The following NTM variants were observed in gnomAD, a reference collection of about 807,000 sequenced individuals.
NTM encodes the protein IgLON family member 2.
Under a neutral mutation model 42.1 loss-of-function variants are expected in NTM, and 13 were observed. The ratio of observed to expected loss-of-function variants is 0.31; its 90% CI spans 0.20 to 0.49. NTM has a LOEUF of 0.49. NTM is among the 20% of genes least tolerant of loss of function. NTM has a pLI of 0.99. For synonymous variants in NTM, 187 were observed against 179.2 expected (o/e 1.04, Z -0.35); for missense variants, 373 against 452.8 (o/e 0.82, Z 1.60).
chr11:131,605,385 A>G (rs1426203302), intron 1 of NTM, among the ~76,000 whole-genome samples: 4 of 152,072 alleles, frequency 2.6e-5, no homozygotes, highest in African/African-American at 7.2e-5. Context: ...AGTGTGATTT[A>G]TTTTTGTATA....
intron 2 of NTM, among the ~76,000 whole-genome samples, chr11:132,123,582 C>T (rs2065185554): frequency 6.6e-6 from 1 of 152,186 alleles, no homozygotes; most frequent in Non-Finnish European, 1.5e-5. Flanking sequence ...TCGGCGAGAG[C>T]TAGGGAAATC....
At chr11:131,833,798 G>T (rs2043130140) in intron 1 of NTM, among the ~76,000 whole-genome samples, 1 of 152,128 alleles carries the variant, frequency 6.6e-6, no homozygotes, top group East Asian at 1.9e-4. Context: ...ATATTCAAGG[G>T]CATAAATTCT....
At chr11:131,683,126 G>A (rs1258040264) in intron 1 of NTM, among the ~76,000 whole-genome samples, 1 of 152,108 alleles carries the variant, frequency 6.6e-6, no homozygotes, top group Non-Finnish European at 1.5e-5. Context: ...CTCTAAAACC[G>A]AAGCTTCCCT....
chr11:132,282,285 A>G (rs1329932025), intron 4 of NTM, among the ~76,000 whole-genome samples: 1 of 152,222 alleles, frequency 6.6e-6, no homozygotes, highest in Non-Finnish European at 1.5e-5. Context: ...AAAAATCTTC[A>G]TGAAATATTC....
chr11:131,831,740 T>TA (rs1034484023), intron 1 of NTM, among the ~76,000 whole-genome samples: 1 of 152,048 alleles, frequency 6.6e-6, no homozygotes, highest in Admixed American at 6.6e-5. Flanking sequence ...GACTTTTCTG[T>TA]AAAAATCAGG....
At chr11:131,709,330 G>A (rs576760139) in intron 1 of NTM, among the ~76,000 whole-genome samples, 3 of 152,172 alleles carry the variant, frequency 2.0e-5, no homozygotes, top group Non-Finnish European at 4.4e-5. Flanking sequence ...AGATCCCTGT[G>A]GTTGCACTGG....
chr11:131,684,576 C>T (rs540880711), intron 1 of NTM, among the ~76,000 whole-genome samples: 1 of 152,242 alleles, frequency 6.6e-6, no homozygotes, highest in South Asian at 2.1e-4. Context: ...AGGACACTGG[C>T]CCCTCATTTG....
intron 1 of NTM, among the ~76,000 whole-genome samples, chr11:131,423,338 G>C (rs80291117): frequency 0.019 from 2,902 of 152,240 alleles, 41 homozygotes; most frequent in Middle Eastern, 0.034. Context: ...TCAATTTTCT[G>C]TTTCTCCATA....
chr11:132,335,722 C>G lies in NTM; in HGVS notation c.*576C>G, dbSNP rs539606621. ...CCCACAAACAAGTCACAAAAGATAC[C>G]GTTAAACTTTTTTTTTTTTTTATCA... On this transcript the variant is annotated 3_prime_UTR_variant, in exon 9 of 9. Transcript: ENST00000683400. 1 of 149,078 alleles carries G rather than the reference C, an allele frequency of 6.7e-6. No homozygotes were observed. Among genetic ancestry groups the G allele is most frequent in the African/African-American group, 2.6e-5 (1 of 39,208 alleles). The allele number at this position is 149,078 out of a possible 1,614,324, so 9.2% of individuals were successfully genotyped here. A position where few individuals can be genotyped will look rare whatever the true frequency, so the allele number is the denominator to read the frequency against.
At chr11:131,796,027 C>T (rs753292342) in intron 1 of NTM, 117 of 985,222 alleles carry the variant, frequency 1.2e-4, no homozygotes, top group Non-Finnish European at 1.4e-4. Context: ...CAGCTGCCAG[C>T]CAGCATGTGC....
At chr11:131,937,314 A>G (rs2059329201) in intron 2 of NTM, among the ~76,000 whole-genome samples, 2 of 152,260 alleles carry the variant, frequency 1.3e-5, no homozygotes, top group Non-Finnish European at 2.9e-5. Context: ...CTAGCTCTTA[A>G]TGTTTGTTAA....
intron 1 of NTM, among the ~76,000 whole-genome samples, chr11:131,531,707 G>T (rs145286344): frequency 6.6e-6 from 1 of 152,272 alleles, no homozygotes; most frequent in African/African-American, 2.4e-5. Context: ...ACTCTGAGCT[G>T]GGGATACAAA....
chr11:132,162,915 A>G (rs994101556), intron 3 of NTM, among the ~76,000 whole-genome samples: 1 of 152,070 alleles, frequency 6.6e-6, no homozygotes, highest in Admixed American at 6.5e-5. Context: ...GACATGTAAC[A>G]CTTAGCCCAA....
chr11:131,739,700 A>G (rs2080937400), intron 1 of NTM, among the ~76,000 whole-genome samples: 1 of 152,208 alleles, frequency 6.6e-6, no homozygotes, highest in African/African-American at 2.4e-5. Context: ...GTATCACATA[A>G]GGACTCTCCT....
At chr11:131,795,237 C>A (rs1240957328) in intron 1 of NTM, 1 of 408,156 alleles carries the variant, frequency 2.5e-6, no homozygotes, top group African/African-American at 2.2e-5. Context: ...CGTATCTCTT[C>A]TTCTTCATTT....
At chr11:132,196,211 T>A (rs1273882413) in intron 3 of NTM, among the ~76,000 whole-genome samples, 1 of 152,160 alleles carries the variant, frequency 6.6e-6, no homozygotes, top group African/African-American at 2.4e-5. Context: ...TCATGATCGC[T>A]AATTGTTAGA....
intron 1 of NTM, among the ~76,000 whole-genome samples, chr11:131,571,789 A>G (rs1331373450): frequency 3.3e-5 from 5 of 152,234 alleles, no homozygotes; most frequent in Admixed American, 6.5e-5. Flanking sequence ...GTACTATTTA[A>G]TTAAGGCAAT....
At chr11:131,654,520 C>A (rs2066925085) in intron 1 of NTM, among the ~76,000 whole-genome samples, 1 of 152,122 alleles carries the variant, frequency 6.6e-6, no homozygotes. Flanking sequence ...AGTGTCATCA[C>A]CCAGTCATAT....
intron 1 of NTM, among the ~76,000 whole-genome samples, chr11:131,552,019 T>C (rs1206600818): frequency 1.3e-5 from 2 of 152,052 alleles, no homozygotes; most frequent in Non-Finnish European, 1.5e-5. Flanking sequence ...GATCTACATG[T>C]GCATTTTATA....
Sources: gnomAD v4.1 joint callset for allele counts (sites outside exome capture counted in the v4.1 genomes callset) on GRCh38, gnomAD v4.1.1 for gene constraint, MANE v1.5 for transcripts, NCBI Gene and HGNC (gene_info 2026-07-23, HGNC 2026-07-21) for gene names.